FAM171A1: variants seen among roughly 807,000 people sequenced by gnomAD.
FAM171A1 encodes the protein family with sequence similarity 171 member A1.
In FAM171A1, 23 loss-of-function variants were observed where a neutral mutation model predicts 74.9. The observed-to-expected ratio is 0.31, with a 90% CI of 0.22 to 0.44. FAM171A1 has a LOEUF of 0.44. Among genes scored for constraint, FAM171A1 ranks in the 20% least tolerant of loss-of-function variants. The pLI, the probability that FAM171A1 is intolerant of heterozygous loss-of-function variation, is 1.00. For missense variants in FAM171A1, 1,162 were observed against 1,159.2 expected (o/e 1.00, Z -0.03); for synonymous variants, 527 against 505.7 (o/e 1.04, Z -0.57).
intron 1 of FAM171A1, among the ~76,000 whole-genome samples, chr10:15,363,471 C>T (rs753716874): frequency 6.6e-6 from 1 of 152,214 alleles, no homozygotes; most frequent in Non-Finnish European, 1.5e-5. Flanking sequence ...GACAAAGATG[C>T]TACCTTAACC....
At chr10:15,299,634 T>A (rs374710899) in intron 1 of FAM171A1, among the ~76,000 whole-genome samples, 5 of 152,100 alleles carry the variant, frequency 3.3e-5, no homozygotes, top group African/African-American at 1.2e-4. Flanking sequence ...AGTTAGAAAG[T>A]GCTACGTGGG....
chr10:15,289,147 A>G (rs1418285237), intron 1 of FAM171A1, among the ~76,000 whole-genome samples: 1 of 152,090 alleles, frequency 6.6e-6, no homozygotes, highest in East Asian at 1.9e-4. Context: ...TACAGCCCAC[A>G]GGGGCATCAT....
chr10:15,347,784 G>A (rs897344283), intron 1 of FAM171A1, among the ~76,000 whole-genome samples: 10 of 136,990 alleles, frequency 7.3e-5, no homozygotes, highest in South Asian at 6.8e-4. Context: ...GCAGTAAGCC[G>A]AGATCGCACC....
intron 5 of FAM171A1, among the ~76,000 whole-genome samples, chr10:15,244,812 T>C (rs1307776580): frequency 2.0e-5 from 3 of 151,962 alleles, no homozygotes; most frequent in Non-Finnish European, 4.4e-5. Context: ...TACCGTGCCG[T>C]TCAAGCTGAT....
At chr10:15,228,143 C>G (rs1387120184) in intron 5 of FAM171A1, among the ~76,000 whole-genome samples, 1 of 152,072 alleles carries the variant, frequency 6.6e-6, no homozygotes, top group Non-Finnish European at 1.5e-5. Flanking sequence ...TCCTGCCTGG[C>G]ACATTTACTC....
At chr10:15,295,802 T>G (rs931188583) in intron 1 of FAM171A1, among the ~76,000 whole-genome samples, 1 of 152,224 alleles carries the variant, frequency 6.6e-6, no homozygotes, top group Non-Finnish European at 1.5e-5. Context: ...TGTGGCTGCC[T>G]GGGCCAGGGA....
chr10:15,251,026 C>G (rs1834500684), intron 4 of FAM171A1, among the ~76,000 whole-genome samples: 1 of 152,128 alleles, frequency 6.6e-6, no homozygotes, highest in African/African-American at 2.4e-5. Context: ...AGTCCCAGTA[C>G]CAGATCTGCC....
At chr10:15,214,729 G>T in intron 7 of FAM171A1, 128 bp from the exon 8 acceptor site, 1 of 1,249,390 alleles carries the variant, frequency 8.0e-7, no homozygotes, top group Non-Finnish European at 1.1e-6. Context: ...GTCAGGAGCA[G>T]CCAAAAGCCT....
At chr10:15,232,616 AC>A (rs1834222014) in intron 5 of FAM171A1, among the ~76,000 whole-genome samples, 2 of 152,338 alleles carry the variant, frequency 1.3e-5, no homozygotes, top group South Asian at 4.1e-4. Context: ...AAATTCAAAC[AC>A]AGCAAACAAA....
intron 3 of FAM171A1, among the ~76,000 whole-genome samples, chr10:15,267,399 T>C (rs1032977415): frequency 5.3e-5 from 8 of 151,714 alleles, no homozygotes; most frequent in African/African-American, 1.9e-4. Flanking sequence ...GGTCAGTAGA[T>C]TGAGGCCATC....
At chr10:15,350,785 G>A (rs1220700347) in intron 1 of FAM171A1, among the ~76,000 whole-genome samples, 2 of 152,048 alleles carry the variant, frequency 1.3e-5, no homozygotes, top group Non-Finnish European at 2.9e-5. Context: ...TGGAATTACA[G>A]GTGTGTACCA....
chr10:15,268,159 C>T (rs1834772122), intron 3 of FAM171A1, among the ~76,000 whole-genome samples: 1 of 152,124 alleles, frequency 6.6e-6, no homozygotes, highest in Non-Finnish European at 1.5e-5. Flanking sequence ...CCACCAGAGG[C>T]CCAGGGCCAG....
rs552370499 is a variant in FAM171A1 at position 15,248,793 on chromosome 10, C to G, written c.600G>C (p.Leu200=). 1.2e-6 allele frequency: 2 copies of G among 1,611,458 alleles called. No individual in the cohort carries two copies. The highest frequency in any genetic ancestry group is 1.7e-6 in the Non-Finnish European group (2 of 1,178,888). Residue 200 remains leucine, a synonymous_variant, in exon 5 of 8, where the codon CTG becomes CTC. Transcript: ENST00000378116. ...NGTGNSTRHD[L]TPVTAVSVHL... is the part of the protein sequence containing the mutation. Reference sequence around the variant, plus strand: ...GGACGCTGACGGCTGTGACTGGGGTCAGGTCATGCCTGGTGCTGTTTCCTA... The same window carrying G: ...GGACGCTGACGGCTGTGACTGGGGTGAGGTCATGCCTGGTGCTGTTTCCTA...
chr10:15,361,493 G>A (rs537519656), intron 1 of FAM171A1, among the ~76,000 whole-genome samples: 1 of 152,210 alleles, frequency 6.6e-6, no homozygotes, highest in East Asian at 1.9e-4. Flanking sequence ...GACCAGCCTG[G>A]CCAACATGGT....
At chr10:15,302,519 A>C (rs928966920) in intron 1 of FAM171A1, among the ~76,000 whole-genome samples, 10 of 151,940 alleles carry the variant, frequency 6.6e-5, no homozygotes, top group African/African-American at 2.2e-4. Flanking sequence ...AAAAAAAAAA[A>C]AAAACCAAAA....
At chr10:15,263,887 CTATCTATCT>C (rs1834701479) in intron 3 of FAM171A1, among the ~76,000 whole-genome samples, 3 of 151,272 alleles carry the variant, frequency 2.0e-5, no homozygotes, top group Non-Finnish European at 4.4e-5. Flanking sequence ...ATCTATCTAT[CTATCTATCT>C]ATCTATCTAT....
At chr10:15,246,125 G>A (rs1389369268) in intron 5 of FAM171A1, among the ~76,000 whole-genome samples, 1 of 151,926 alleles carries the variant, frequency 6.6e-6, no homozygotes, top group African/African-American at 2.4e-5. Flanking sequence ...TCAATAAAGT[G>A]CCCGTCTCGC....
chr10:15,287,799 AGGT>A (rs1251806606), intron 1 of FAM171A1, among the ~76,000 whole-genome samples: 4 of 152,186 alleles, frequency 2.6e-5, no homozygotes, highest in Non-Finnish European at 5.9e-5. Flanking sequence ...TTAGGGGAAC[AGGT>A]GGTGTTTGGT....
chr10:15,213,436 C>A lies in FAM171A1; in HGVS notation c.2152G>T (p.Ala718Ser). Residue 718 changes from alanine to serine, a missense_variant, in exon 8 of 8, where the codon GCT becomes TCT. Transcript: ENST00000378116. This position sits in a 1 kb window ranked among gnomAD's most constrained non-coding sequence, Gnocchi z 6.8. ...WFVSLDGRSNAHVRHSYIDLQ... is the reference protein window; with the variant it reads ...WFVSLDGRSNSHVRHSYIDLQ... The stretch of plus-strand genomic sequence containing the variant: ...TCAATGTATGAATGTCTAACGTGAG[C>A]GTTGGACCTGCCATCCAAGGAGACG... The A allele has an allele frequency of 6.2e-7, 1 of 1,614,194 alleles. No homozygotes were observed. Among genetic ancestry groups the A allele is most frequent in the Non-Finnish European group, 8.5e-7 (1 of 1,180,048 alleles).
Sources: allele counts gnomAD v4.1 joint callset (sites outside exome capture counted in the v4.1 genomes callset), GRCh38; gene constraint gnomAD v4.1.1; non-coding constraint Gnocchi (gnomAD v3.1); transcripts MANE v1.5; gene names NCBI Gene and HGNC (gene_info 2026-07-23, HGNC 2026-07-21).